Variants in DIAPH3 observed in about 807,000 individuals in gnomAD.
DIAPH3 encodes the protein diaphanous related formin 3, also known as protein diaphanous homolog 3.
Under a neutral mutation model 144.3 loss-of-function variants are expected in DIAPH3, and 117 were observed. That is an observed-to-expected ratio of 0.81 (90% CI 0.70 to 0.95). The LOEUF is 0.95. Among genes scored for constraint, DIAPH3 ranks in the 40% least tolerant of loss-of-function variants. The probability of loss-of-function intolerance (pLI) is 0.00; values close to 1 mark genes in which losing one functional copy is unlikely to be tolerated. For synonymous variants in DIAPH3, 519 were observed against 488.9 expected, an observed-to-expected ratio of 1.06 and a Z score of -0.81; for missense variants, 1,421 against 1,412.7, an observed-to-expected ratio of 1.01 and a Z score of -0.09.
chr13:60,105,144 G>C (rs1199550181), intron 3 of DIAPH3, among the ~76,000 whole-genome samples: 1 of 141,210 alleles, frequency 7.1e-6, no homozygotes, highest in Non-Finnish European at 1.5e-5. Context: ...GATGAAAAAG[G>C]ATTTTCATTC....
At chr13:60,007,395 T>C (rs945672989) in intron 9 of DIAPH3, among the ~76,000 whole-genome samples, 2 of 84,012 alleles carry the variant, frequency 2.4e-5, no homozygotes, top group African/African-American at 1.1e-4. Flanking sequence ...TTTTTCACTT[T>C]ATTTTTTTAT....
intron 27 of DIAPH3, among the ~76,000 whole-genome samples, chr13:59,696,661 T>C (rs1472736959): frequency 6.6e-6 from 1 of 152,176 alleles, no homozygotes; most frequent in Non-Finnish European, 1.5e-5. Flanking sequence ...GCTGTGAAAA[T>C]TGATGCACTT....
At chr13:59,789,840 G>T (rs1346321478) in intron 25 of DIAPH3, among the ~76,000 whole-genome samples, 1 of 152,166 alleles carries the variant, frequency 6.6e-6, no homozygotes, top group African/African-American at 2.4e-5. Context: ...ATTAAAGCTG[G>T]CATAGTGTGA....
chr13:59,845,023 T>C (rs1337893240), intron 22 of DIAPH3, among the ~76,000 whole-genome samples: 1 of 146,854 alleles, frequency 6.8e-6, no homozygotes, highest in Non-Finnish European at 1.5e-5. Context: ...CTCTTTTTTT[T>C]TGAGACACCA....
chr13:59,983,713 C>A, intron 13 of DIAPH3, 56 bp downstream of exon 13: 1 of 1,214,674 alleles, frequency 8.2e-7, no homozygotes. Context: ...TGCCCTAGAG[C>A]TCATTCATAG....
At chr13:59,973,936 A>C (rs1477099507) in intron 15 of DIAPH3, among the ~76,000 whole-genome samples, 1 of 152,090 alleles carries the variant, frequency 6.6e-6, no homozygotes, top group Non-Finnish European at 1.5e-5. Flanking sequence ...ATTATCAGAA[A>C]ATGTTCTCAT....
In DIAPH3 at chr13:60,118,060, T is replaced by C. The variant is rs112575614; in HGVS notation, c.214-5874A>G. Reference sequence around the variant, plus strand: ...GCCATTTGGAGATGGTACACCACACTTCATTAATATGGCTTTGACTGTGTC... The same window carrying C: ...GCCATTTGGAGATGGTACACCACACCTCATTAATATGGCTTTGACTGTGTC... On this transcript the variant is annotated intron_variant, in intron 2 of 27. Transcript: ENST00000400324. Among the ~76,000 whole-genome samples the C allele has an allele frequency of 4.5e-3, 686 of 152,296 alleles. 9 individuals carry two copies. The highest frequency in any genetic ancestry group is 0.017 in the Middle Eastern group (5 of 294).
intron 17 of DIAPH3, among the ~76,000 whole-genome samples, chr13:59,967,384 A>G (rs1428788808): frequency 6.6e-6 from 1 of 151,986 alleles, no homozygotes; most frequent in Non-Finnish European, 1.5e-5. Flanking sequence ...CATAGTTTTG[A>G]ATTCTGCAGC....
chr13:60,097,162 C>A (rs1478995996), intron 3 of DIAPH3, among the ~76,000 whole-genome samples: 1 of 152,228 alleles, frequency 6.6e-6, no homozygotes, highest in East Asian at 1.9e-4. Context: ...TGATGACAGT[C>A]CTAGTATAAA....
chr13:59,930,116 C>T (rs762656045), intron 17 of DIAPH3, among the ~76,000 whole-genome samples: 21 of 152,090 alleles, frequency 1.4e-4, no homozygotes, highest in Non-Finnish European at 2.6e-4. Context: ...GACATTTGTA[C>T]TCCTAGGTAT....
chr13:59,761,651 T>C (rs190133692), intron 27 of DIAPH3, among the ~76,000 whole-genome samples: 7 of 152,322 alleles, frequency 4.6e-5, no homozygotes, highest in Admixed American at 1.3e-4. Context: ...ACTACCATTA[T>C]TGACTCCTAT....
intron 22 of DIAPH3, among the ~76,000 whole-genome samples, chr13:59,846,965 G>A (rs1009197303): frequency 3.9e-5 from 6 of 152,090 alleles, no homozygotes; most frequent in Middle Eastern, 3.2e-3. Context: ...TATACTCCTA[G>A]TTACCCAGGA....
chr13:60,020,558 T>C (rs553091116), intron 5 of DIAPH3, among the ~76,000 whole-genome samples: 1 of 152,058 alleles, frequency 6.6e-6, no homozygotes, highest in Non-Finnish European at 1.5e-5. Context: ...AGAGATCGGG[T>C]CTCACTACGT....
At chr13:59,804,897 T>TG (rs1160871517) in intron 25 of DIAPH3, among the ~76,000 whole-genome samples, 1 of 152,168 alleles carries the variant, frequency 6.6e-6, no homozygotes, top group Non-Finnish European at 1.5e-5. Context: ...CTGTTGAGAT[T>TG]GGCAGAGACA....
At chr13:60,135,221 C>A (rs2059240254) in intron 1 of DIAPH3, among the ~76,000 whole-genome samples, 1 of 150,186 alleles carries the variant, frequency 6.7e-6, no homozygotes, top group Non-Finnish European at 1.5e-5. Flanking sequence ...ACAAGGCAAC[C>A]CAGGGATCCA....
intron 12 of DIAPH3, among the ~76,000 whole-genome samples, chr13:59,987,890 T>TA (rs1274832488): frequency 2.0e-5 from 3 of 151,722 alleles, no homozygotes; most frequent in Admixed American, 6.6e-5. Context: ...ACTAAAGTGA[T>TA]AAACAGGTTG....
At chr13:60,136,970 T>C (rs1465331398) in intron 1 of DIAPH3, among the ~76,000 whole-genome samples, 1 of 152,088 alleles carries the variant, frequency 6.6e-6, no homozygotes, top group Non-Finnish European at 1.5e-5. Context: ...TAAATAACCG[T>C]TCTGTCCACA....
intron 4 of DIAPH3, among the ~76,000 whole-genome samples, chr13:60,061,949 A>C (rs1271075246): frequency 6.6e-6 from 1 of 151,956 alleles, no homozygotes; most frequent in Non-Finnish European, 1.5e-5. Flanking sequence ...ACAGCCTCCT[A>C]CACAACCCCA....
chr13:59,823,008 T>G (rs1566365691), intron 24 of DIAPH3, among the ~76,000 whole-genome samples: 1 of 152,190 alleles, frequency 6.6e-6, no homozygotes, highest in Non-Finnish European at 1.5e-5. Flanking sequence ...TTTCCCTATA[T>G]TATCAATCTA....
Sources: allele counts gnomAD v4.1 joint callset (sites outside exome capture counted in the v4.1 genomes callset), GRCh38; gene constraint gnomAD v4.1.1; transcripts MANE v1.5; gene names NCBI Gene and HGNC (gene_info 2026-07-23, HGNC 2026-07-21).